The following CLIP1 variants were observed in gnomAD, a reference collection of about 807,000 sequenced individuals.
CLIP1 encodes the protein CAP-Gly domain-containing linker protein 1.
Under a neutral mutation model 161.6 loss-of-function variants are expected in CLIP1, and 66 were observed. That is an observed-to-expected ratio of 0.41 (90% CI 0.33 to 0.50). CLIP1 has a LOEUF of 0.50. CLIP1 is among the 20% of genes least tolerant of loss of function. CLIP1 has a pLI of 0.27. For synonymous variants in CLIP1, 598 were observed against 626.2 expected, an observed-to-expected ratio of 0.96 and a Z score of 0.67; for missense variants, 1,376 against 1,702.0, an observed-to-expected ratio of 0.81 and a Z score of 3.37.
At chr12:122,324,814 G>A (rs1485687903) in intron 17 of CLIP1, among the ~76,000 whole-genome samples, 4 of 152,004 alleles carry the variant, frequency 2.6e-5, no homozygotes, top group Non-Finnish European at 4.4e-5. Flanking sequence ...AAAAAGGAAG[G>A]GGCATAACAA....
chr12:122,405,924 C>T (rs892313945), intron 1 of CLIP1, among the ~76,000 whole-genome samples: 1 of 151,672 alleles, frequency 6.6e-6, no homozygotes, highest in African/African-American at 2.4e-5. Context: ...AAAAATTAGC[C>T]GGGCATGGCG....
chr12:122,337,614 CTA>C (rs1268260351), intron 11 of CLIP1, among the ~76,000 whole-genome samples: 1 of 152,116 alleles, frequency 6.6e-6, no homozygotes, highest in Non-Finnish European at 1.5e-5. Flanking sequence ...TCAAAATAGA[CTA>C]TTTTTCTATA....
chr12:122,372,670 A>G (rs1954514814), intron 3 of CLIP1, among the ~76,000 whole-genome samples: 1 of 152,174 alleles, frequency 6.6e-6, no homozygotes, highest in East Asian at 1.9e-4. Context: ...GAATTAAGCT[A>G]AGTAAAATCC....
Position 122,340,961 on chromosome 12 carries a change from A to C in CLIP1, c.2243T>G (p.Leu748Arg). The C allele has an allele frequency of 6.2e-7, 1 of 1,614,210 alleles. No individual in the cohort carries two copies. The highest frequency in any genetic ancestry group is 8.5e-7 in the Non-Finnish European group (1 of 1,180,050). ...GGTTTGTTCATTGCATTTGGCTTGC[A>C]GTACCTCTAGCTCCTTTACCTTTAT... ...AEIKVKELEV[L>R]QAKCNEQTKV... The change falls in exon 11 of 26, where the codon CTG becomes CGG. Residue 748 changes from leucine (L) to arginine (R), a missense_variant. By Grantham distance (102) the Leu-to-Arg change is moderately radical (BLOSUM62 -2). This residue lies in a region of CLIP1 where 948 missense variants were observed against 1,134.8 expected (regional missense o/e 0.84). Coordinates refer to ENST00000620786, the MANE Select transcript of CLIP1 (RefSeq NM_001247997.2).
At chr12:122,278,308 T>A in intron 23 of CLIP1, 105 bp from the exon 24 acceptor site, 1 of 1,067,098 alleles carries the variant, frequency 9.4e-7, no homozygotes, top group Non-Finnish European at 1.4e-6. Context: ...CAAAACTCAT[T>A]TTCCTGTGGA....
chr12:122,283,118 A>C (rs1955710955), intron 21 of CLIP1, among the ~76,000 whole-genome samples: 1 of 152,188 alleles, frequency 6.6e-6, no homozygotes, highest in Non-Finnish European at 1.5e-5. Context: ...CTTCTTTGAC[A>C]CTAAAAAGCC....
intron 1 of CLIP1, among the ~76,000 whole-genome samples, chr12:122,420,681 A>G (rs1056028797): frequency 6.6e-6 from 1 of 152,134 alleles, no homozygotes. Context: ...CACACCTGTA[A>G]TCCCAGCACT....
chr12:122,293,319 C>T (rs1041864331), intron 20 of CLIP1, among the ~76,000 whole-genome samples: 19 of 152,066 alleles, frequency 1.2e-4, no homozygotes, highest in African/African-American at 4.6e-4. Context: ...AGCCCTCCAT[C>T]CCAGTGGTTC....
chr12:122,301,353 A>C (rs1452660966), intron 20 of CLIP1, among the ~76,000 whole-genome samples: 2 of 152,228 alleles, frequency 1.3e-5, no homozygotes, highest in Admixed American at 6.5e-5. Context: ...CAAAGTTTGA[A>C]ACAATTTCCA....
intron 1 of CLIP1, among the ~76,000 whole-genome samples, chr12:122,407,857 C>A (rs186297198): frequency 2.0e-5 from 3 of 151,140 alleles, no homozygotes; most frequent in East Asian, 3.9e-4. Flanking sequence ...ACATGGCCCA[C>A]ACCAAAAGCA....
At chr12:122,344,940 C>T (rs1403200472) in intron 10 of CLIP1, among the ~76,000 whole-genome samples, 1 of 152,062 alleles carries the variant, frequency 6.6e-6, no homozygotes, top group Non-Finnish European at 1.5e-5. Context: ...ATAAGCTTTA[C>T]ACTGAAATAC....
chr12:122,363,834 G>A lies in CLIP1; in HGVS notation c.782+149C>T. The A allele has an allele frequency of 3.0e-6, 3 of 1,016,526 alleles. No individual in the cohort carries two copies. The East Asian group carries it at 7.9e-5, about 27-fold the overall frequency. The allele number at this position is 1,016,526 out of a possible 1,614,324, so 63.0% of individuals were successfully genotyped here. A position where few individuals can be genotyped will look rare whatever the true frequency, so the allele number is the denominator to read the frequency against. ...AAGAACAGCCCCAATTTTAGTGTGG[G>A]GAAAAAAAATTAGCAGATGGGTCTT... On this transcript the variant is annotated intron_variant, in intron 4 of 25. Coordinates refer to ENST00000620786, the MANE Select transcript of CLIP1 (RefSeq NM_001247997.2).
intron 23 of CLIP1, 200 bp from the exon 24 acceptor site, chr12:122,278,403 T>C: frequency 1.7e-6 from 1 of 603,532 alleles, no homozygotes; most frequent in South Asian, 2.1e-5. Flanking sequence ...ACACCAGCCT[T>C]GCCCTTCACG....
chr12:122,287,524 T>G (rs1010464299), intron 21 of CLIP1, among the ~76,000 whole-genome samples: 9 of 152,222 alleles, frequency 5.9e-5, no homozygotes, highest in Non-Finnish European at 1.3e-4. Flanking sequence ...CAGCACCCAC[T>G]GGACAGGCTG....
intron 7 of CLIP1, among the ~76,000 whole-genome samples, chr12:122,353,358 A>T (rs895098365): frequency 6.6e-6 from 1 of 152,142 alleles, no homozygotes; most frequent in Non-Finnish European, 1.5e-5. Context: ...AAAAAATAAA[A>T]TAAGCCACCT....
intron 1 of CLIP1, among the ~76,000 whole-genome samples, chr12:122,387,555 T>TC (rs1358775805): frequency 4.5e-3 from 48 of 10,656 alleles, no homozygotes; most frequent in South Asian, 0.013. Context: ...TTCATATATA[T>TC]ATATATATAT....
intron 17 of CLIP1, among the ~76,000 whole-genome samples, chr12:122,319,854 A>T (rs1467515157): frequency 1.3e-5 from 2 of 152,248 alleles, no homozygotes; most frequent in African/African-American, 4.8e-5. Context: ...CTTCTAACAT[A>T]AGGCTCAAGT....
chr12:122,352,073 T>TC (rs1372868031), intron 8 of CLIP1, among the ~76,000 whole-genome samples: 1 of 151,574 alleles, frequency 6.6e-6, no homozygotes, highest in Admixed American at 6.6e-5. Flanking sequence ...TTTTTTTTTT[T>TC]TGGAGACAAA....
chr12:122,351,106 CT>C lies in CLIP1; in HGVS notation c.1401+4del. 6.5e-7 allele frequency: 1 copy of C among 1,536,998 alleles called. No individual in the cohort carries two copies. Among genetic ancestry groups the C allele is most frequent in the Non-Finnish European group, 8.7e-7 (1 of 1,147,424 alleles). ...AAATATCCACACAGTTAAGTGCCCT[CT>C]TACATTCTCAGGATCTTCAGAAATC... On this transcript the variant is annotated splice_donor_region_variant and intron_variant, in intron 9 of 25. Transcript: ENST00000620786.
Sources: gnomAD v4.1 joint callset for allele counts (sites outside exome capture counted in the v4.1 genomes callset) on GRCh38, gnomAD v4.1.1 for gene constraint, gnomAD v4.1.1 regional missense constraint, MANE v1.5 for transcripts, NCBI Gene and HGNC (gene_info 2026-07-23, HGNC 2026-07-21) for gene names.